Variants in PGM5 observed in about 807,000 individuals in gnomAD.
PGM5 encodes phosphoglucomutase 5.
A neutral mutation model predicts 59.2 loss-of-function variants in PGM5; 23 were observed. That is an observed-to-expected ratio of 0.39 (90% confidence interval 0.28 to 0.55). The LOEUF (loss-of-function observed/expected upper bound fraction) is 0.55, where lower values mean the gene tolerates loss of function less well. Ranked by LOEUF, PGM5 falls within the 20% of genes least tolerant of loss-of-function variation. The probability of loss-of-function intolerance (pLI) is 0.66; values close to 1 mark genes in which losing one functional copy is unlikely to be tolerated. For synonymous variants in PGM5, 214 were observed against 286.0 expected (o/e 0.75, Z 2.54); for missense variants, 574 against 748.3 (o/e 0.77, Z 2.72).
chr9:68,376,089 G>C (rs1183713586), intron 1 of PGM5, among the ~76,000 whole-genome samples: 1 of 152,118 alleles, frequency 6.6e-6, no homozygotes, highest in Non-Finnish European at 1.5e-5. Context: ...CTTTGTTTTG[G>C]GTTGGTGAGG....
chr9:68,390,827 T>G (rs1356419811), intron 4 of PGM5, among the ~76,000 whole-genome samples: 1 of 152,194 alleles, frequency 6.6e-6, no homozygotes, highest in Non-Finnish European at 1.5e-5. Context: ...GTGTGGTTAT[T>G]GCTTCTCTGA....
intron 6 of PGM5, among the ~76,000 whole-genome samples, chr9:68,440,480 T>C (rs1823507946): frequency 6.6e-6 from 1 of 152,194 alleles, no homozygotes. Context: ...TGCTTCTAAA[T>C]AATCCATCAA....
intron 7 of PGM5, among the ~76,000 whole-genome samples, chr9:68,473,789 G>A (rs1824058661): frequency 6.6e-6 from 1 of 152,084 alleles, no homozygotes; most frequent in Non-Finnish European, 1.5e-5. Context: ...ATGCAAACCA[G>A]GATAAGTTGG....
At chr9:68,357,441 C>T (rs1834479268) in intron 1 of PGM5, 53 bp downstream of exon 1, 4 of 1,536,556 alleles carry the variant, frequency 2.6e-6, no homozygotes, top group Non-Finnish European at 3.5e-6. Context: ...ATGCCCTCTC[C>T]TAGCCCTTGT....
At chr9:68,397,501 C>T (rs1822541385) in intron 6 of PGM5, 1 of 152,196 alleles carries the variant, frequency 6.6e-6, no homozygotes. Context: ...CACCCATAAA[C>T]AGGGTGGTGA....
At chr9:68,380,911 C>A (rs1554678254) in intron 2 of PGM5, among the ~76,000 whole-genome samples, 1 of 151,788 alleles carries the variant, frequency 6.6e-6, no homozygotes, top group African/African-American at 2.4e-5. Context: ...AACACTCCAA[C>A]AACAAATAAA....
intron 6 of PGM5, among the ~76,000 whole-genome samples, chr9:68,438,601 G>A (rs1823477259): frequency 6.6e-6 from 1 of 152,214 alleles, no homozygotes; most frequent in South Asian, 2.1e-4. Flanking sequence ...TAGACAAGAT[G>A]TACGAAACAA....
intron 7 of PGM5, among the ~76,000 whole-genome samples, chr9:68,466,742 T>G (rs1042493058): frequency 1.3e-5 from 2 of 152,214 alleles, no homozygotes; most frequent in Non-Finnish European, 2.9e-5. Context: ...TACTGGGTAC[T>G]GGAACTGGGG....
intron 6 of PGM5, among the ~76,000 whole-genome samples, chr9:68,430,522 C>T (rs1823326996): frequency 1.3e-5 from 2 of 152,250 alleles, no homozygotes; most frequent in East Asian, 1.9e-4. Flanking sequence ...ACTTTCCTCA[C>T]TGACTTTCAA....
intron 1 of PGM5, among the ~76,000 whole-genome samples, chr9:68,360,759 A>G (rs1834559957): frequency 6.6e-6 from 1 of 152,248 alleles, no homozygotes; most frequent in African/African-American, 2.4e-5. Flanking sequence ...AGTATATTAA[A>G]GAAAATGATA....
chr9:68,357,193 C>T lies in PGM5; in HGVS notation c.66C>T (p.Ala22=), dbSNP rs79088300. 17,367 of 1,539,804 alleles carry T rather than the reference C, an allele frequency of 0.011. 1,529 individuals carry two copies. In the African/African-American group the frequency reaches 0.2, roughly 18 times the overall value. The change falls in exon 1 of 11, where the codon GCC becomes GCT. Residue 22 remains alanine, a synonymous_variant. Transcript: ENST00000396396. The part of the protein sequence containing the change: ...PTAPYEDQRP[A]GGGGLRRPTG... The stretch of plus-strand genomic sequence containing the variant: ...CGCCCTACGAGGACCAGCGGCCGGC[C>T]GGCGGCGGGGGTCTGCGGCGACCCA...
chr9:68,513,851 G>T (rs1441665307), intron 10 of PGM5, among the ~76,000 whole-genome samples: 1 of 152,136 alleles, frequency 6.6e-6, no homozygotes, highest in Non-Finnish European at 1.5e-5. Context: ...CTTTGACCAT[G>T]TAAGTGTTTC....
chr9:68,506,695 A>G (rs1277031495), intron 10 of PGM5, among the ~76,000 whole-genome samples: 1 of 152,232 alleles, frequency 6.6e-6, no homozygotes, highest in African/African-American at 2.4e-5. Context: ...AGAAATGGAT[A>G]TAATACATAT....
chr9:68,466,098 A>T, intron 7 of PGM5: 3 of 1,268,306 alleles, frequency 2.4e-6, no homozygotes, highest in Non-Finnish European at 3.1e-6. Context: ...ATTTGTGATG[A>T]CAAATGAGCT....
chr9:68,402,925 A>G (rs1381728847), intron 6 of PGM5, among the ~76,000 whole-genome samples: 2 of 152,192 alleles, frequency 1.3e-5, no homozygotes, highest in African/African-American at 4.8e-5. Context: ...CTATTGAAAT[A>G]CTGCTTAAAT....
At chr9:68,416,865 T>C (rs1338362342) in intron 6 of PGM5, among the ~76,000 whole-genome samples, 1 of 152,270 alleles carries the variant, frequency 6.6e-6, no homozygotes, top group East Asian at 1.9e-4. Flanking sequence ...AGCCTACTGC[T>C]GTGGAACTCT....
intron 6 of PGM5, among the ~76,000 whole-genome samples, chr9:68,451,260 G>C (rs527887003): frequency 6.6e-6 from 1 of 152,160 alleles, no homozygotes; most frequent in African/African-American, 2.4e-5. Context: ...GATTAACTGC[G>C]TAATTGAATA....
At chr9:68,376,822 TTTCTTTCTTTCTC>T (rs1481451205) in intron 1 of PGM5, among the ~76,000 whole-genome samples, 131 of 116,066 alleles carry the variant, frequency 1.1e-3, no homozygotes, top group Admixed American at 2.7e-3. Context: ...TCTTTCTTTC[TTTCTTTCTTTCTC>T]TTTCTTTCTT....
chr9:68,485,853 A>G (rs1554687503), intron 9 of PGM5, among the ~76,000 whole-genome samples: 1 of 152,150 alleles, frequency 6.6e-6, no homozygotes, highest in Non-Finnish European at 1.5e-5. Context: ...GCTTCTTTGC[A>G]GGTCTGGGTT....
Sources: gnomAD v4.1 joint callset for allele counts (sites outside exome capture counted in the v4.1 genomes callset) on GRCh38, gnomAD v4.1.1 for gene constraint, MANE v1.5 for transcripts, NCBI Gene and HGNC (gene_info 2026-07-23, HGNC 2026-07-21) for gene names.